Variants in SLC24A3 observed in about 807,000 individuals in gnomAD.
SLC24A3 encodes the protein solute carrier family 24 member 3.
A neutral mutation model predicts 75.8 loss-of-function variants in SLC24A3; 28 were observed. The observed-to-expected ratio is 0.37, with a 90% CI of 0.27 to 0.51. The LOEUF is 0.51. Ranked by LOEUF, SLC24A3 falls within the 20% of genes least tolerant of loss-of-function variation. The probability of loss-of-function intolerance (pLI) is 0.94; values close to 1 mark genes in which losing one functional copy is unlikely to be tolerated. For missense variants in SLC24A3, 663 were observed against 847.8 expected, an observed-to-expected ratio of 0.78 and a Z score of 2.71; for synonymous variants, 372 against 334.1, an observed-to-expected ratio of 1.11 and a Z score of -1.24.
rs541854295 is a variant in SLC24A3, at chr20:19,260,743, T to G, written c.143-20216T>G. Among the ~76,000 whole-genome samples, 3 of 152,348 alleles carry G rather than the reference T, an allele frequency of 2.0e-5. No individual in the cohort carries two copies. The East Asian group carries it at 5.8e-4, about 29-fold the overall frequency. ...AGACTGCTGTCCTCCTCTGCCACCC[T>G]TTGCAGAAGGCCTGCGAGGCATCAT... On this transcript the variant is annotated intron_variant, in intron 1 of 16. Coordinates refer to ENST00000328041, the MANE Select transcript of SLC24A3 (RefSeq NM_020689.4).
At chr20:19,304,552 A>C (rs913934136) in intron 2 of SLC24A3, among the ~76,000 whole-genome samples, 49 of 151,834 alleles carry the variant, frequency 3.2e-4, no homozygotes, top group African/African-American at 1.2e-3. Context: ...CCCTGGCTCC[A>C]CCTCCTTGTA....
intron 6 of SLC24A3, among the ~76,000 whole-genome samples, chr20:19,634,602 CTT>C (rs564526864): frequency 6.0e-4 from 91 of 152,194 alleles, no homozygotes; most frequent in Admixed American, 4.1e-3. Flanking sequence ...ATACACATAA[CTT>C]AAATGAAGCT....
At chr20:19,270,477 AG>A (rs1406440389) in intron 1 of SLC24A3, among the ~76,000 whole-genome samples, 2 of 152,314 alleles carry the variant, frequency 1.3e-5, no homozygotes, top group East Asian at 3.9e-4. Flanking sequence ...TGGAAGCCTA[AG>A]GTCAGGGTGC....
At chr20:19,426,836 A>G (rs1987015122) in intron 2 of SLC24A3, among the ~76,000 whole-genome samples, 1 of 152,086 alleles carries the variant, frequency 6.6e-6, no homozygotes, top group Admixed American at 6.5e-5. Context: ...GAATACCTGA[A>G]CCACAACAGT....
intron 8 of SLC24A3, among the ~76,000 whole-genome samples, chr20:19,668,173 G>T (rs919562532): frequency 1.3e-5 from 2 of 152,198 alleles, no homozygotes; most frequent in African/African-American, 4.8e-5. Flanking sequence ...GGCTGATGAA[G>T]AGCATTTTGC....
At chr20:19,349,728 T>G (rs2024620) in intron 2 of SLC24A3, among the ~76,000 whole-genome samples, 1 of 152,038 alleles carries the variant, frequency 6.6e-6, no homozygotes, top group African/African-American at 2.4e-5. Context: ...CTTTGTTGGC[T>G]CCTTTATTCC....
intron 3 of SLC24A3, among the ~76,000 whole-genome samples, chr20:19,545,026 A>G (rs1301671413): frequency 1.3e-5 from 2 of 152,240 alleles, no homozygotes; most frequent in Non-Finnish European, 2.9e-5. Flanking sequence ...GGGCATATTC[A>G]TAATTTTTTT....
At chr20:19,538,491 A>G (rs2030439231) in intron 3 of SLC24A3, among the ~76,000 whole-genome samples, 1 of 152,220 alleles carries the variant, frequency 6.6e-6, no homozygotes, top group Non-Finnish European at 1.5e-5. Context: ...ATAGATGAGA[A>G]TGTTCAAATG....
chr20:19,392,486 T>C (rs1986384720), intron 2 of SLC24A3, among the ~76,000 whole-genome samples: 1 of 152,202 alleles, frequency 6.6e-6, no homozygotes, highest in Non-Finnish European at 1.5e-5. Flanking sequence ...CCTGGATACT[T>C]CTAGCTTGGC....
At chr20:19,263,826 G>A (rs111497132) in intron 1 of SLC24A3, among the ~76,000 whole-genome samples, 2,390 of 152,298 alleles carry the variant, frequency 0.016, 56 homozygotes, top group African/African-American at 0.053. Flanking sequence ...GTGTTTAAAC[G>A]AAAGCTTCAC....
chr20:19,334,718 C>T (rs921970136), intron 2 of SLC24A3, among the ~76,000 whole-genome samples: 3 of 152,176 alleles, frequency 2.0e-5, no homozygotes, highest in Non-Finnish European at 2.9e-5. Context: ...CAATTTGGCA[C>T]CTCTGGGAGC....
intron 15 of SLC24A3, 148 bp from the exon 16 acceptor site, chr20:19,717,380 G>C (rs978175954): frequency 1.4e-6 from 1 of 715,578 alleles, no homozygotes; most frequent in African/African-American, 1.8e-5. Context: ...CTGTGGAGCT[G>C]GCTGCTGAAG....
intron 2 of SLC24A3, among the ~76,000 whole-genome samples, chr20:19,479,567 G>A (rs1391436288): frequency 1.3e-5 from 2 of 152,248 alleles, no homozygotes; most frequent in Admixed American, 6.5e-5. Flanking sequence ...AGTTTGGTGT[G>A]TGAGTGGGGA....
chr20:19,652,981 G>A (rs965772353), intron 6 of SLC24A3, among the ~76,000 whole-genome samples: 1 of 152,194 alleles, frequency 6.6e-6, no homozygotes, highest in Non-Finnish European at 1.5e-5. Context: ...CTCTAGGGAA[G>A]GGAAAGGGAC....
intron 2 of SLC24A3, among the ~76,000 whole-genome samples, chr20:19,293,647 C>T (rs1431549625): frequency 7.5e-6 from 1 of 133,508 alleles, no homozygotes. Context: ...CATAACAAAA[C>T]TTCGTCTCAA....
intron 2 of SLC24A3, among the ~76,000 whole-genome samples, chr20:19,467,010 G>A (rs1373402214): frequency 6.6e-6 from 1 of 152,170 alleles, no homozygotes; most frequent in East Asian, 1.9e-4. Context: ...ACAAATAATC[G>A]AGGTAATGAC....
intron 1 of SLC24A3, among the ~76,000 whole-genome samples, chr20:19,216,058 A>G (rs1017350642): frequency 6.6e-6 from 1 of 152,080 alleles, no homozygotes; most frequent in Admixed American, 6.5e-5. Context: ...ATCTGCAGAC[A>G]CTCTTTTCGG....
chr20:19,577,112 T>C (rs548328779), intron 3 of SLC24A3, among the ~76,000 whole-genome samples: 9 of 151,950 alleles, frequency 5.9e-5, no homozygotes, highest in Admixed American at 2.0e-4. Flanking sequence ...TGGAGTGCAG[T>C]GGCGCGATCT....
chr20:19,280,679 TG>T (rs35748208), intron 1 of SLC24A3, among the ~76,000 whole-genome samples: 1 of 151,634 alleles, frequency 6.6e-6, no homozygotes, highest in Non-Finnish European at 1.5e-5. Flanking sequence ...AGACAGGGAA[TG>T]GGGGGCAGTT....
Sources: allele counts gnomAD v4.1 joint callset (sites outside exome capture counted in the v4.1 genomes callset), GRCh38; gene constraint gnomAD v4.1.1; transcripts MANE v1.5; gene names NCBI Gene and HGNC (gene_info 2026-07-23, HGNC 2026-07-21).